The following RRBP1 variants were observed in gnomAD, a reference collection of about 807,000 sequenced individuals.
RRBP1 encodes ribosome binding protein 1, also known as ribosome-binding protein 1.
In RRBP1, 94 loss-of-function variants were observed where a neutral mutation model predicts 165.2. That is an observed-to-expected ratio of 0.57 (90% CI 0.48 to 0.68). The LOEUF is 0.68. RRBP1 is among the 30% of genes least tolerant of loss of function. The pLI, the probability that RRBP1 is intolerant of heterozygous loss-of-function variation, is 0.00. For missense variants in RRBP1, 1,676 were observed against 1,763.0 expected, an observed-to-expected ratio of 0.95 and a Z score of 0.88; for synonymous variants, 680 against 714.5, an observed-to-expected ratio of 0.95 and a Z score of 0.77.
intron 2 of RRBP1, among the ~76,000 whole-genome samples, chr20:17,675,483 A>C (rs1047399007): frequency 9.6e-5 from 14 of 145,236 alleles, no homozygotes; most frequent in African/African-American, 3.0e-4. Flanking sequence ...GAGATGACAA[A>C]GTCAGTCAAA....
chr20:17,621,982 A>C, intron 13 of RRBP1, 35 bp from the exon 14 acceptor site: 3 of 1,558,946 alleles, frequency 1.9e-6, no homozygotes, highest in Non-Finnish European at 2.7e-6. Context: ...GAAGGTGTTC[A>C]GCTGTGGAGG....
rs2036710056 is a variant in RRBP1 at position 17,659,325 on chromosome 20, C to A, written c.1183G>T (p.Ala395Ser). The A allele has an allele frequency of 4.6e-6, 7 of 1,532,042 alleles. No individual in the cohort carries two copies. Among genetic ancestry groups the A allele is most frequent in the East Asian group, 5.0e-5 (2 of 39,900 alleles). 94.9% of individuals were successfully genotyped at this position (1,532,042 alleles called of 1,614,324 possible). A position where few individuals can be genotyped will look rare whatever the true frequency, so the allele number is the denominator to read the frequency against. ...AQNQGKKVEG[A>S]QNQGKKAEGA... ...TCAGCCTTCTTGCCCTGGTTCTGGG[C>A]CCCTTCTACTTTTTTGCCCTGGTTC... The change falls in exon 3 of 25, where the codon GCC becomes TCC. Residue 395 changes from alanine (A) to serine (S), a missense_variant. Around this residue, in one of 5 missense-constraint regions of RRBP1, gnomAD observed 78 missense variants for 115.6 expected, o/e 0.67. Coordinates refer to ENST00000377813, the MANE Select transcript of RRBP1 (RefSeq NM_001365613.2).
Position 17,613,941 on chromosome 20 carries a change from G to A in RRBP1, c.*241C>T, listed in dbSNP as rs377222214. 16 of 496,206 alleles carry A rather than the reference G, an allele frequency of 3.2e-5. No homozygotes were observed. The highest frequency in any genetic ancestry group is 1.2e-4 in the African/African-American group (6 of 51,930). 30.7% of individuals were successfully genotyped at this position (496,206 alleles called of 1,614,324 possible). A position where few individuals can be genotyped will look rare whatever the true frequency, so the allele number is the denominator to read the frequency against. ...GTCAACCAGGGCTTTGGCGTCACTC[G>A]GCGGTGGCCCGGGGCTGCGCCCAGG... is the stretch of plus-strand genomic sequence containing the variant. On this transcript the variant is annotated 3_prime_UTR_variant, in exon 25 of 25. Coordinates refer to ENST00000377813, the MANE Select transcript of RRBP1 (RefSeq NM_001365613.2).
intron 7 of RRBP1, 76 bp downstream of exon 7, chr20:17,635,470 C>T: frequency 9.1e-7 from 1 of 1,101,948 alleles, no homozygotes; most frequent in Non-Finnish European, 1.3e-6. Context: ...TGCCAGCTGC[C>T]CTGGCCGCAG....
At chr20:17,649,174 A>T (rs1024698334) in intron 3 of RRBP1, among the ~76,000 whole-genome samples, 1 of 152,212 alleles carries the variant, frequency 6.6e-6, no homozygotes, top group Non-Finnish European at 1.5e-5. Context: ...AGCCCCAGAG[A>T]GTTTTCTTCA....
rs11551701 is a variant in RRBP1, at chr20:17,629,890, C to A, written c.2682G>T (p.Thr894=). 4 of 1,600,164 alleles carry A rather than the reference C, an allele frequency of 2.5e-6. No individual in the cohort carries two copies. The highest frequency in any genetic ancestry group is 2.2e-5 in the East Asian group (1 of 44,868). Residue 894 remains threonine (T), a synonymous_variant, in exon 9 of 25, where the codon ACG becomes ACT. Transcript: ENST00000377813. ...LDEVSRELCH[T]QSSHASLRAD... The stretch of plus-strand genomic sequence containing the variant: ...CCCGGAGGCTGGCGTGGCTGCTCTG[C>A]GTGTGGCACAGCTCCCGGCTGACCT...
chr20:17,679,248 T>G (rs1229856096), intron 2 of RRBP1, among the ~76,000 whole-genome samples: 1 of 152,216 alleles, frequency 6.6e-6, no homozygotes, highest in African/African-American at 2.4e-5. Flanking sequence ...AAAAACCAAG[T>G]TGGGCTAAGC....
At chr20:17,629,124 G>GTAC (rs2036094281) in intron 9 of RRBP1, among the ~76,000 whole-genome samples, 1 of 152,260 alleles carries the variant, frequency 6.6e-6, no homozygotes, top group Admixed American at 6.5e-5. Flanking sequence ...CACAGTCCCT[G>GTAC]TGTAGAGGGC....
chr20:17,652,084 T>A (rs2036568951), intron 3 of RRBP1, among the ~76,000 whole-genome samples: 1 of 152,234 alleles, frequency 6.6e-6, no homozygotes, highest in Non-Finnish European at 1.5e-5. Flanking sequence ...GCTGCTAATC[T>A]GTCCTGTGCT....
chr20:17,666,660 A>G (rs184438041), intron 2 of RRBP1, among the ~76,000 whole-genome samples: 36 of 152,322 alleles, frequency 2.4e-4, no homozygotes, highest in Admixed American at 1.1e-3. Flanking sequence ...TCTTGGCTTA[A>G]CAGAGCTGGC....
Position 17,660,547 on chromosome 20 carries a change from G to A in RRBP1, c.-21-19C>T, listed in dbSNP as rs987391220. The A allele has an allele frequency of 1.6e-5, 23 of 1,446,910 alleles. No homozygotes were observed. Among genetic ancestry groups the A allele is most frequent in the Non-Finnish European group, 2.1e-5 (22 of 1,044,752 alleles). 89.6% of individuals were successfully genotyped at this position (1,446,910 alleles called of 1,614,324 possible). A position where few individuals can be genotyped will look rare whatever the true frequency, so the allele number is the denominator to read the frequency against. ...CTTTCACCTGTCAAACATACATGGA[G>A]GTTACTATTTATAGAAATCAAGGCC... On this transcript the variant is annotated intron_variant, in intron 2 of 24. Transcript: ENST00000377813.
intron 8 of RRBP1, among the ~76,000 whole-genome samples, chr20:17,630,182 C>T (rs1048468910): frequency 7.2e-5 from 11 of 152,232 alleles, no homozygotes; most frequent in African/African-American, 1.9e-4. Flanking sequence ...GGGACCCACA[C>T]TCACTTCCCA....
chr20:17,675,017 C>T (rs1263083275), intron 2 of RRBP1, among the ~76,000 whole-genome samples: 1 of 152,254 alleles, frequency 6.6e-6, no homozygotes, highest in Non-Finnish European at 1.5e-5. Context: ...GGGCCCAGTT[C>T]TGTCAAGGTG....
intron 5 of RRBP1, among the ~76,000 whole-genome samples, chr20:17,638,498 G>A (rs1227834043): frequency 1.3e-5 from 2 of 152,128 alleles, no homozygotes; most frequent in South Asian, 2.1e-4. Flanking sequence ...GGGGGTCAGC[G>A]TCCCAAGGCC....
In RRBP1 at chr20:17,641,833, C is replaced by G. The variant is rs559501583; in HGVS notation, c.2148G>C (p.Ala716=). The G allele has an allele frequency of 4.3e-6, 7 of 1,613,820 alleles. No homozygotes were observed. In the African/African-American group the frequency reaches 9.3e-5, roughly 21 times the overall value. ...EKLLATEQED[A]AVAKSKLREL... The stretch of plus-strand genomic sequence containing the variant: ...CCCTCAGTTTGCTCTTGGCGACAGC[C>G]GCATCTTCCTGTTCTGTGGCCAGCA... The change falls in exon 5 of 25, where the codon GCG becomes GCC. Residue 716 remains alanine (A), a synonymous_variant. Coordinates refer to ENST00000377813, the MANE Select transcript of RRBP1 (RefSeq NM_001365613.2).
chr20:17,650,512 C>T (rs1222210408), intron 3 of RRBP1, among the ~76,000 whole-genome samples: 1 of 152,324 alleles, frequency 6.6e-6, no homozygotes, highest in Admixed American at 6.5e-5. Context: ...GCAGAAAGGT[C>T]ACAGGTCCTT....
At position 17,621,484 on chromosome 20, in the gene RRBP1, G is replaced by C. The variant is rs1004762456; in HGVS notation, c.3388C>G (p.Gln1130Glu). The C allele has an allele frequency of 3.1e-6, 5 of 1,612,516 alleles. No homozygotes were observed. The highest frequency in any genetic ancestry group is 4.2e-6 in the Non-Finnish European group (5 of 1,179,902). ...GTCTCCGCCAGGATGCTGCGGTACT[G>C]GTCACACTCGGCCTGCAGTGTGCTC... is the stretch of plus-strand genomic sequence containing the variant. Reference protein sequence around the residue: ...TQSTLQAECDQYRSILAETEG... With the variant: ...TQSTLQAECDEYRSILAETEG... The change falls in exon 16 of 25, where the codon CAG becomes GAG. Residue 1130 changes from glutamine to glutamate, a missense_variant. Gln to Glu is a conservative substitution (Grantham distance 29). Around this residue, in one of 5 missense-constraint regions of RRBP1, gnomAD observed 1,184 missense variants for 1,167.1 expected, o/e 1.01. Coordinates refer to ENST00000377813, the MANE Select transcript of RRBP1 (RefSeq NM_001365613.2).
intron 3 of RRBP1, among the ~76,000 whole-genome samples, chr20:17,648,271 G>A (rs2036499864): frequency 6.6e-6 from 1 of 152,228 alleles, no homozygotes; most frequent in African/African-American, 2.4e-5. Context: ...AGCCTGTGGG[G>A]GAAGTGAGCT....
chr20:17,629,766 G>A (rs1015883283), intron 9 of RRBP1, 57 bp downstream of exon 9: 26 of 1,529,008 alleles, frequency 1.7e-5, no homozygotes, highest in African/African-American at 2.7e-5. Flanking sequence ...GGGCTGGGCC[G>A]GCATGCAGAC....
Sources: gnomAD v4.1 joint callset for allele counts (sites outside exome capture counted in the v4.1 genomes callset) on GRCh38, gnomAD v4.1.1 for gene constraint, gnomAD v4.1.1 regional missense constraint, MANE v1.5 for transcripts, NCBI Gene and HGNC (gene_info 2026-07-23, HGNC 2026-07-21) for gene names.